The following SMCO4 variants were observed in gnomAD, a reference collection of about 807,000 sequenced individuals.
SMCO4 encodes the protein single-pass membrane and coiled-coil domain-containing protein 4.
Under a neutral mutation model 3.6 loss-of-function variants are expected in SMCO4, and 4 were observed. The observed-to-expected ratio is 1.11, with a 90% CI of 0.54 to 2.53. SMCO4 has a LOEUF of 2.53. Ranked by LOEUF, SMCO4 falls within the 30% of genes most tolerant of loss-of-function variation. The pLI is 0.02. For synonymous variants in SMCO4, 36 were observed against 35.3 expected, an observed-to-expected ratio of 1.02 and a Z score of -0.07; for missense variants, 70 against 80.8, an observed-to-expected ratio of 0.87 and a Z score of 0.51.
intron 1 of SMCO4, among the ~76,000 whole-genome samples, chr11:93,524,487 T>TCC (rs1949087556): frequency 6.6e-6 from 1 of 152,086 alleles, no homozygotes; most frequent in Non-Finnish European, 1.5e-5. Flanking sequence ...CCCTTAAGAA[T>TCC]CCCCATCTGT....
intron 1 of SMCO4, among the ~76,000 whole-genome samples, chr11:93,542,901 G>A (rs1021356578): frequency 9.9e-5 from 15 of 152,098 alleles, no homozygotes; most frequent in African/African-American, 3.6e-4. Flanking sequence ...CCCGGCCCAA[G>A]CCCTTTGCAC....
At chr11:93,529,093 C>G (rs1490128698) in intron 1 of SMCO4, among the ~76,000 whole-genome samples, 17 of 152,122 alleles carry the variant, frequency 1.1e-4, no homozygotes, top group Non-Finnish European at 7.3e-5. Flanking sequence ...AAGCCTGCCT[C>G]CACAGATTCT....
upstream of SMCO4, among the ~76,000 whole-genome samples, chr11:93,546,391 G>A (rs946394033): frequency 2.0e-5 from 3 of 152,182 alleles, no homozygotes; most frequent in Non-Finnish European, 2.9e-5. Flanking sequence ...AGCTTTAAAC[G>A]TTAGAACTCC....
At chr11:93,531,901 A>G (rs559115959) in intron 1 of SMCO4, among the ~76,000 whole-genome samples, 1 of 152,296 alleles carries the variant, frequency 6.6e-6, no homozygotes, top group Non-Finnish European at 1.5e-5. Flanking sequence ...AACTCAGAAG[A>G]ATGCAACCAT....
upstream of SMCO4, among the ~76,000 whole-genome samples, chr11:93,547,334 A>G (rs1264208038): frequency 6.6e-6 from 1 of 152,210 alleles, no homozygotes; most frequent in African/African-American, 2.4e-5. Context: ...AAACATAATC[A>G]TCAGGGCATT....
At chr11:93,527,338 G>A (rs1184831464) in intron 1 of SMCO4, among the ~76,000 whole-genome samples, 1 of 152,066 alleles carries the variant, frequency 6.6e-6, no homozygotes, top group African/African-American at 2.4e-5. Context: ...TGTGACTTTG[G>A]GCAGGTAGCT....
At chr11:93,524,727 G>T (rs1450656531) in intron 1 of SMCO4, among the ~76,000 whole-genome samples, 2 of 152,204 alleles carry the variant, frequency 1.3e-5, no homozygotes, top group Non-Finnish European at 2.9e-5. Flanking sequence ...GAGTACTGAT[G>T]ATGAGGAATG....
chr11:93,501,673 C>A (rs115220758), intron 1 of SMCO4, among the ~76,000 whole-genome samples: 433 of 152,294 alleles, frequency 2.8e-3, no homozygotes, highest in African/African-American at 0.01. Flanking sequence ...TTAGTCACAT[C>A]TGCAAACCCC....
intron 2 of SMCO4, among the ~76,000 whole-genome samples, chr11:93,491,670 G>A (rs774006528): frequency 6.6e-6 from 1 of 152,326 alleles, no homozygotes; most frequent in South Asian, 2.1e-4. Flanking sequence ...ACAAATATCA[G>A]TATTGGTTGT....
chr11:93,516,560 C>T (rs1239184691), intron 1 of SMCO4, among the ~76,000 whole-genome samples: 5 of 152,244 alleles, frequency 3.3e-5, no homozygotes, highest in East Asian at 3.9e-4. Flanking sequence ...GAGGCCAAGG[C>T]GGGTGGATCA....
intron 2 of SMCO4, among the ~76,000 whole-genome samples, chr11:93,485,367 T>C (rs1438089298): frequency 6.6e-6 from 1 of 152,218 alleles, no homozygotes; most frequent in African/African-American, 2.4e-5. Flanking sequence ...AGCCTGCCTG[T>C]GGATTCTCAC....
intron 2 of SMCO4, among the ~76,000 whole-genome samples, chr11:93,492,337 A>C (rs1948726976): frequency 6.6e-6 from 1 of 152,236 alleles, no homozygotes. Flanking sequence ...TGACTGGTCC[A>C]TCTGATCATT....
chr11:93,483,002 G>GT (rs1410146730), intron 2 of SMCO4, among the ~76,000 whole-genome samples: 2 of 152,220 alleles, frequency 1.3e-5, no homozygotes, highest in African/African-American at 4.8e-5. Context: ...AGAGGTCTCT[G>GT]TAGGAGCAAG....
chr11:93,519,728 T>C (rs1402243805), intron 1 of SMCO4, among the ~76,000 whole-genome samples: 1 of 152,212 alleles, frequency 6.6e-6, no homozygotes, highest in Non-Finnish European at 1.5e-5. Context: ...TGAGTGGCTC[T>C]CAATGGCCAG....
At chr11:93,536,052 T>A (rs1555080177) in intron 1 of SMCO4, among the ~76,000 whole-genome samples, 2 of 152,044 alleles carry the variant, frequency 1.3e-5, no homozygotes, top group Non-Finnish European at 2.9e-5. Flanking sequence ...GGATTATAGA[T>A]AAAAAGTCTC....
intron 2 of SMCO4, among the ~76,000 whole-genome samples, chr11:93,480,593 G>A (rs1184299129): frequency 6.6e-6 from 1 of 152,228 alleles, no homozygotes; most frequent in Non-Finnish European, 1.5e-5. Flanking sequence ...TTCTCGGAGA[G>A]TAGCATGGAG....
chr11:93,546,959 C>T (rs1009405935), upstream of SMCO4, among the ~76,000 whole-genome samples: 3 of 152,166 alleles, frequency 2.0e-5, no homozygotes, highest in African/African-American at 7.2e-5. Flanking sequence ...CTTCCACTGA[C>T]GTGCTCTTTC....
At chr11:93,481,975 C>T (rs952282280) in intron 2 of SMCO4, among the ~76,000 whole-genome samples, 1 of 152,226 alleles carries the variant, frequency 6.6e-6, no homozygotes, top group Non-Finnish European at 1.5e-5. Context: ...GTGTAGTTGA[C>T]ATTCAAAGGC....
intron 1 of SMCO4, among the ~76,000 whole-genome samples, chr11:93,502,376 T>A (rs1948849273): frequency 6.6e-6 from 1 of 152,112 alleles, no homozygotes; most frequent in South Asian, 2.1e-4. Flanking sequence ...CATAACAGAA[T>A]GGAGAAGGCA....
Sources: allele counts gnomAD v4.1 joint callset (sites outside exome capture counted in the v4.1 genomes callset), GRCh38; gene constraint gnomAD v4.1.1; transcripts MANE v1.5; gene names NCBI Gene and HGNC (gene_info 2026-07-23, HGNC 2026-07-21).